Variants in VNN2 observed in about 807,000 individuals in gnomAD.
VNN2 encodes pantetheine hydrolase VNN2.
Under a neutral mutation model 43.0 loss-of-function variants are expected in VNN2, and 43 were observed. The ratio of observed to expected loss-of-function variants is 1.00; its 90% CI spans 0.78 to 1.29. The LOEUF (loss-of-function observed/expected upper bound fraction) is 1.29, where lower values mean the gene tolerates loss of function less well. Among genes scored for constraint, VNN2 ranks in the 50% most tolerant of loss-of-function variants. The pLI, the probability that VNN2 is intolerant of heterozygous loss-of-function variation, is 0.00. For missense variants in VNN2, 652 were observed against 619.7 expected, an observed-to-expected ratio of 1.05 and a Z score of -0.55; for synonymous variants, 230 against 224.3, an observed-to-expected ratio of 1.03 and a Z score of -0.23.
chr6:132,750,897 G>A (rs1051961856), intron 5 of VNN2, among the ~76,000 whole-genome samples: 19 of 152,070 alleles, frequency 1.2e-4, no homozygotes, highest in Admixed American at 9.8e-4. Context: ...TCATGGTTAG[G>A]TTAATAATTT....
chr6:132,755,320 C>T (rs1485577784), intron 3 of VNN2, among the ~76,000 whole-genome samples: 1 of 149,016 alleles, frequency 6.7e-6, no homozygotes, highest in Admixed American at 6.7e-5. Flanking sequence ...AGTTCTCTGC[C>T]TACATGTTTT....
upstream of VNN2, among the ~76,000 whole-genome samples, chr6:132,758,917 CT>C (rs1447562661): frequency 6.6e-6 from 1 of 152,078 alleles, no homozygotes; most frequent in Non-Finnish European, 1.5e-5. Flanking sequence ...CGCTTCTTTC[CT>C]TCTTTCTCTC....
At chr6:132,745,049 G>C (rs1209405969) in intron 6 of VNN2, among the ~76,000 whole-genome samples, 1 of 152,180 alleles carries the variant, frequency 6.6e-6, no homozygotes, top group East Asian at 1.9e-4. Flanking sequence ...AACCAGCAAA[G>C]GCTCATTCTG....
chr6:132,756,205 C>G (rs531763340), intron 2 of VNN2, among the ~76,000 whole-genome samples, 170 bp from the exon 3 acceptor site: 35 of 152,140 alleles, frequency 2.3e-4, no homozygotes, highest in Non-Finnish European at 4.9e-4. Context: ...TTGATGAATG[C>G]TTCCCACACG....
At chr6:132,752,908 A>G (rs1780213217) in intron 3 of VNN2, 159 bp from the exon 4 acceptor site, 3 of 709,088 alleles carry the variant, frequency 4.2e-6, no homozygotes, top group Non-Finnish European at 6.9e-6. Context: ...TTTCTAAGGA[A>G]AATGTGGAGG....
chr6:132,753,269 C>T (rs1328327911), intron 3 of VNN2: 3 of 254,332 alleles, frequency 1.2e-5, no homozygotes, highest in Non-Finnish European at 2.4e-5. Flanking sequence ...TCATGATCCA[C>T]CCACCTGGGC....
At chr6:132,760,858 C>G (rs1334636286), upstream of VNN2, 1 of 151,994 alleles carries the variant, frequency 6.6e-6, no homozygotes, top group Non-Finnish European at 1.5e-5. Context: ...GTTTGGCTAA[C>G]AGGGAAAGGG....
chr6:132,761,564 G>C (rs1393541113), upstream of VNN2, among the ~76,000 whole-genome samples: 2 of 152,150 alleles, frequency 1.3e-5, no homozygotes, highest in Admixed American at 1.3e-4. Flanking sequence ...GGAGGCTGAG[G>C]CGGGAGAATT....
At chr6:132,760,605 A>C (rs1388810437), upstream of VNN2, 1 of 152,016 alleles carries the variant, frequency 6.6e-6, no homozygotes, top group South Asian at 2.1e-4. Context: ...TTCCATCTCC[A>C]TAAGTACAAT....
At chr6:132,750,723 C>T (rs781597173) in intron 5 of VNN2, among the ~76,000 whole-genome samples, 3 of 149,918 alleles carry the variant, frequency 2.0e-5, no homozygotes, top group Non-Finnish European at 4.4e-5. Flanking sequence ...CCCGGGACAT[C>T]TGATTAGAAG....
chr6:132,756,992 T>C (rs1780515598), intron 2 of VNN2, among the ~76,000 whole-genome samples: 1 of 152,200 alleles, frequency 6.6e-6, no homozygotes, highest in Admixed American at 6.5e-5. Flanking sequence ...GCATAAGGTC[T>C]TATGATTCAC....
At chr6:132,747,664 G>T (rs1277795087) in intron 6 of VNN2, among the ~76,000 whole-genome samples, 2 of 152,106 alleles carry the variant, frequency 1.3e-5, no homozygotes, top group African/African-American at 4.8e-5. Context: ...TTTAAGAGTT[G>T]AGATGTACAA....
upstream of VNN2, among the ~76,000 whole-genome samples, chr6:132,758,663 A>G (rs992397018): frequency 1.4e-4 from 21 of 149,624 alleles, no homozygotes; most frequent in South Asian, 1.5e-3. Context: ...GACGGGGGGG[A>G]AAATATTAAA....
At position 132,757,798 on chromosome 6, in the gene VNN2, G is replaced by T; in HGVS notation, c.86C>A (p.Ala29Glu). 6.2e-7 allele frequency: 1 copy of T among 1,614,112 alleles called. No homozygotes were observed. Among genetic ancestry groups the T allele is most frequent in the Non-Finnish European group, 8.5e-7 (1 of 1,180,028 alleles). The part of the protein sequence containing the change: ...QVGTQDSFIA[A>E]VYEHAVILPN... ...CAAAATGACAGCATGTTCATACACT[G>T]CAGCTATAAAACTGTCCTGAGTACC... Residue 29 changes from alanine (A) to glutamate (E), a missense_variant, in exon 1 of 7, where the codon GCA becomes GAA. Physicochemically the swap from Ala to Glu is moderately radical, Grantham distance 107 (BLOSUM62 -1). Coordinates refer to ENST00000326499, the MANE Select transcript of VNN2 (RefSeq NM_004665.6).
At position 132,757,453 on chromosome 6, in the gene VNN2, G is replaced by C; in HGVS notation, c.307C>G (p.Pro103Ala). The C allele has an allele frequency of 2.5e-6, 4 of 1,613,810 alleles. No homozygotes were observed. The highest frequency in any genetic ancestry group is 3.4e-6 in the Non-Finnish European group (4 of 1,179,922). ...VFPYLEDIPD[P>A]QVNWIPCQDP... ...TGACACGGAATCCAGTTCACCTGAG[G>C]GTCTGGGATATCCTCCAGATAAGGG... The change falls in exon 2 of 7, where the codon CCT (proline) becomes GCT (alanine). Residue 103 changes from proline (P) to alanine (A), a missense_variant. By Grantham distance (27) the Pro-to-Ala change is conservative. Transcript: ENST00000326499.
chr6:132,754,612 C>T (rs776235288), intron 3 of VNN2, among the ~76,000 whole-genome samples: 7 of 152,178 alleles, frequency 4.6e-5, no homozygotes, highest in Non-Finnish European at 8.8e-5. Context: ...ATTCATACTG[C>T]CTGTACATCA....
chr6:132,744,274 C>T lies in VNN2; in HGVS notation c.*26G>A. On this transcript the variant is annotated 3_prime_UTR_variant, in exon 7 of 7. Transcript: ENST00000326499. ...AACACATTCAGCCAAGCATATGATG[C>T]AGAAGCTGAGTGATAAAGAGACGCC... The T allele has an allele frequency of 1.3e-6, 2 of 1,579,924 alleles. No homozygotes were observed. The highest frequency in any genetic ancestry group is 1.7e-6 in the Non-Finnish European group (2 of 1,167,056).
chr6:132,751,366 T>C lies in VNN2; in HGVS notation c.979A>G (p.Ile327Val). Reference sequence around the variant, plus strand: ...TTTTTCTGTACTGGAAATGGTTTGATGGTGGTGGCGTAGGCATTCCAATTA... The same window carrying C: ...TTTTTCTGTACTGGAAATGGTTTGACGGTGGTGGCGTAGGCATTCCAATTA... ...AVNWNAYATTIKPFPVQKNTF... is the reference protein window; with the variant it reads ...AVNWNAYATTVKPFPVQKNTF... Residue 327 changes from isoleucine (I) to valine (V), a missense_variant, in exon 5 of 7, where the codon ATC (isoleucine) becomes GTC (valine). Coordinates refer to ENST00000326499, the MANE Select transcript of VNN2 (RefSeq NM_004665.6). 1 of 1,614,182 alleles carries C rather than the reference T, an allele frequency of 6.2e-7. No individual in the cohort carries two copies. Among genetic ancestry groups the C allele is most frequent in the Non-Finnish European group, 8.5e-7 (1 of 1,180,006 alleles).
Position 132,756,048 on chromosome 6 carries a change from A to G in VNN2, c.345-13T>C, listed in dbSNP as rs753434348. On this transcript the variant is annotated splice_polypyrimidine_tract_variant and intron_variant, in intron 2 of 6. Transcript: ENST00000326499. ...TGTGTGACCAAATCTAAACCAAATTATAATTAAGAAATTTCAATTTTAAAA... is the reference window on the plus strand; with the variant it reads ...TGTGTGACCAAATCTAAACCAAATTGTAATTAAGAAATTTCAATTTTAAAA... The G allele has an allele frequency of 1.4e-5, 21 of 1,533,474 alleles. No individual in the cohort carries two copies. The highest frequency in any genetic ancestry group is 1.7e-5 in the Non-Finnish European group (19 of 1,143,440). 95.0% of individuals were successfully genotyped at this position (1,533,474 alleles called of 1,614,324 possible). A position where few individuals can be genotyped will look rare whatever the true frequency, so the allele number is the denominator to read the frequency against.
Sources: allele counts gnomAD v4.1 joint callset (sites outside exome capture counted in the v4.1 genomes callset), GRCh38; gene constraint gnomAD v4.1.1; transcripts MANE v1.5; gene names NCBI Gene and HGNC (gene_info 2026-07-23, HGNC 2026-07-21).